Variants in GPHN observed in about 807,000 individuals in gnomAD.
GPHN encodes the protein gephyrin.
In GPHN, 17 loss-of-function variants were observed where a neutral mutation model predicts 95.5. The observed-to-expected ratio is 0.18, with a 90% CI of 0.12 to 0.27. The LOEUF is 0.27. Among genes scored for constraint, GPHN ranks in the 10% least tolerant of loss-of-function variants. GPHN has a pLI of 1.00. For missense variants in GPHN, 660 were observed against 978.1 expected (o/e 0.67, Z 4.34); for synonymous variants, 320 against 322.5 (o/e 0.99, Z 0.08).
the GPHN span, among the ~76,000 whole-genome samples, chr14:67,605,741 G>A: frequency 6.6e-6 from 1 of 152,010 alleles, no homozygotes; most frequent in African/African-American, 2.4e-5. Context: ...GGAGTGCAGT[G>A]GTGCAATCTT....
chr14:67,126,723 T>C (rs2079341319), intron 17 of GPHN, among the ~76,000 whole-genome samples: 3 of 152,212 alleles, frequency 2.0e-5, no homozygotes, highest in African/African-American at 7.2e-5. Context: ...AAATACCATT[T>C]GACCCAGCCA....
intron 3 of GPHN, among the ~76,000 whole-genome samples, chr14:66,817,031 CATT>C (rs1370172521): frequency 6.6e-6 from 1 of 151,942 alleles, no homozygotes; most frequent in Non-Finnish European, 1.5e-5. Context: ...GTAAAGAAAA[CATT>C]ATATATTTAT....
At chr14:67,628,497 G>A in the GPHN span, among the ~76,000 whole-genome samples, 2 of 152,172 alleles carry the variant, frequency 1.3e-5, no homozygotes, top group East Asian at 1.9e-4. Context: ...ACACTATTGG[G>A]ATTTGGCAAA....
the GPHN span, among the ~76,000 whole-genome samples, chr14:67,506,710 G>C: frequency 1.3e-5 from 2 of 152,216 alleles, no homozygotes; most frequent in Non-Finnish European, 2.9e-5. Context: ...TTTGGGCCAG[G>C]AGTGGTGGCT....
At chr14:66,707,633 C>T (rs1249151281) in intron 2 of GPHN, among the ~76,000 whole-genome samples, 2 of 152,004 alleles carry the variant, frequency 1.3e-5, no homozygotes, top group African/African-American at 2.4e-5. Flanking sequence ...CATGGACACA[C>T]GGAGGAGAAC....
chr14:67,510,463 C>T, the GPHN span, among the ~76,000 whole-genome samples: 4 of 152,174 alleles, frequency 2.6e-5, no homozygotes, highest in Non-Finnish European at 5.9e-5. Context: ...ATTTAATAAG[C>T]ACTCACCATG....
the GPHN span, chr14:67,338,762 C>T: frequency 6.2e-7 from 1 of 1,610,580 alleles, no homozygotes; most frequent in Non-Finnish European, 8.5e-7. Flanking sequence ...TTTTCTTTAA[C>T]CTGTAAAATA....
At chr14:67,719,319 C>T in the GPHN span, among the ~76,000 whole-genome samples, 2 of 152,132 alleles carry the variant, frequency 1.3e-5, no homozygotes, top group East Asian at 3.8e-4. Flanking sequence ...TTGAGGAACT[C>T]GCAATAGAAT....
chr14:67,537,277 G>A, the GPHN span, among the ~76,000 whole-genome samples: 1 of 148,334 alleles, frequency 6.7e-6, no homozygotes, highest in Non-Finnish European at 1.5e-5. Context: ...CCGGGAGGCG[G>A]AGGTTGCAGA....
At chr14:67,054,371 T>C (rs1266387711) in intron 10 of GPHN, among the ~76,000 whole-genome samples, 2 of 151,608 alleles carry the variant, frequency 1.3e-5, no homozygotes, top group Admixed American at 1.3e-4. Context: ...AGAGAAAAAA[T>C]ACCTAGGAAT....
At chr14:67,221,740 T>C in the GPHN span, 1 of 1,610,234 alleles carries the variant, frequency 6.2e-7, no homozygotes, top group Non-Finnish European at 8.5e-7. Flanking sequence ...TTTGTGGTTA[T>C]GCTGGCAAAT....
intron 5 of GPHN, among the ~76,000 whole-genome samples, chr14:66,892,565 T>C (rs909765273): frequency 6.6e-6 from 1 of 152,214 alleles, no homozygotes; most frequent in African/African-American, 2.4e-5. Flanking sequence ...ATACATGGAA[T>C]GAAATATTAT....
intron 9 of GPHN, among the ~76,000 whole-genome samples, chr14:66,992,884 T>G (rs1356020008): frequency 6.6e-6 from 1 of 152,200 alleles, no homozygotes; most frequent in Non-Finnish European, 1.5e-5. Flanking sequence ...GCTCATTCAT[T>G]TGCACATAAC....
In GPHN at chr14:67,181,564, A is replaced by G. The variant is rs1331231814; in HGVS notation, c.*627A>G. 1 of 454,006 alleles carries G rather than the reference A, an allele frequency of 2.2e-6. No homozygotes were observed. The highest frequency in any genetic ancestry group is 3.2e-5 in the Admixed American group (1 of 31,638). The allele number at this position is 454,006 out of a possible 1,614,324, so 28.1% of individuals were successfully genotyped here. On this transcript the variant is annotated 3_prime_UTR_variant, in exon 23 of 23. Coordinates refer to ENST00000478722, the MANE Select transcript of GPHN (RefSeq NM_020806.5). ...CTGGACACCTTTTATTTGAAGAAACAAACTGAAGAAAAAATGCTTCCTTAA... is the reference window on the plus strand; with the variant it reads ...CTGGACACCTTTTATTTGAAGAAACGAACTGAAGAAAAAATGCTTCCTTAA...
chr14:66,629,922 A>G (rs1329250635), intron 1 of GPHN, among the ~76,000 whole-genome samples: 1 of 152,142 alleles, frequency 6.6e-6, no homozygotes, highest in African/African-American at 2.4e-5. Flanking sequence ...TTTCTCTGTT[A>G]CTATCTGAAT....
chr14:66,715,630 C>A (rs937203328), intron 2 of GPHN, among the ~76,000 whole-genome samples: 3 of 152,020 alleles, frequency 2.0e-5, no homozygotes, highest in African/African-American at 7.2e-5. Flanking sequence ...TATGAACTTT[C>A]CTGTTAGCAC....
chr14:66,715,241 C>G (rs2070058052), intron 2 of GPHN, among the ~76,000 whole-genome samples: 1 of 152,044 alleles, frequency 6.6e-6, no homozygotes, highest in Non-Finnish European at 1.5e-5. Flanking sequence ...TCCATCTCTT[C>G]TAGGTGTTCT....
chr14:67,684,080 ACTCT>A, the GPHN span, among the ~76,000 whole-genome samples: 3 of 151,484 alleles, frequency 2.0e-5, no homozygotes, highest in Non-Finnish European at 4.4e-5. Flanking sequence ...ACTTTCTGAA[ACTCT>A]CTCTCTCACT....
At chr14:67,153,373 G>C (rs558078843) in intron 18 of GPHN, among the ~76,000 whole-genome samples, 3 of 152,300 alleles carry the variant, frequency 2.0e-5, no homozygotes, top group Non-Finnish European at 4.4e-5. Flanking sequence ...TGACAGCATG[G>C]ATGGGTTCTG....
Sources: allele counts gnomAD v4.1 joint callset (sites outside exome capture counted in the v4.1 genomes callset), GRCh38; gene constraint gnomAD v4.1.1; transcripts MANE v1.5; gene names NCBI Gene and HGNC (gene_info 2026-07-23, HGNC 2026-07-21).